Variants in GAS7 observed in about 807,000 individuals in gnomAD.
The protein encoded by GAS7 is growth arrest-specific protein 7.
GAS7 carries 28 observed loss-of-function variants against 71.1 expected under a neutral mutation model. The ratio of observed to expected loss-of-function variants is 0.39; its 90% CI spans 0.29 to 0.54. The LOEUF is 0.54. GAS7 is among the 20% of genes least tolerant of loss of function. The pLI, the probability that GAS7 is intolerant of heterozygous loss-of-function variation, is 0.62. For synonymous variants in GAS7, 258 were observed against 245.8 expected, an observed-to-expected ratio of 1.05 and a Z score of -0.46; for missense variants, 436 against 627.8, an observed-to-expected ratio of 0.69 and a Z score of 3.27.
chr17:9,955,390 C>T (rs1219559454), intron 5 of GAS7, among the ~76,000 whole-genome samples: 3 of 152,254 alleles, frequency 2.0e-5, no homozygotes, highest in Non-Finnish European at 4.4e-5. Context: ...TAAAGATCCA[C>T]TTTCTGTTTG....
chr17:9,997,580 T>G (rs749826386), intron 2 of GAS7, among the ~76,000 whole-genome samples: 10 of 151,956 alleles, frequency 6.6e-5, no homozygotes, highest in Non-Finnish European at 1.0e-4. Flanking sequence ...ACAAGCAGAG[T>G]GTCCTACAAC....
At chr17:9,989,381 G>A (rs2152140447) in intron 2 of GAS7, among the ~76,000 whole-genome samples, 1 of 152,202 alleles carries the variant, frequency 6.6e-6, no homozygotes, top group South Asian at 2.1e-4. Context: ...TTCTGTGTCA[G>A]GCACTGTGCT....
intron 1 of GAS7, among the ~76,000 whole-genome samples, chr17:10,166,357 G>A (rs1380202822): frequency 3.3e-5 from 5 of 152,136 alleles, no homozygotes; most frequent in African/African-American, 1.2e-4. Flanking sequence ...GGGGATGGGG[G>A]CCCCAAGGGA....
chr17:9,948,682 CAA>C (rs774017409), intron 5 of GAS7, among the ~76,000 whole-genome samples: 7 of 135,132 alleles, frequency 5.2e-5, no homozygotes, highest in Non-Finnish European at 4.9e-5. Context: ...GACTCCCCCT[CAA>C]AAAAAAAAAA....
chr17:9,928,543 A>C (rs4791915), intron 9 of GAS7, among the ~76,000 whole-genome samples: 5,730 of 152,044 alleles, frequency 0.038, 287 homozygotes, highest in African/African-American at 0.093. Flanking sequence ...TCAACCTATG[A>C]CCACCCCACC....
intron 1 of GAS7, among the ~76,000 whole-genome samples, chr17:10,106,026 G>A (rs1203842873): frequency 2.0e-5 from 3 of 151,998 alleles, no homozygotes; most frequent in South Asian, 2.1e-4. Flanking sequence ...TCTCCTCCTG[G>A]GCAGTACTAT....
At chr17:9,942,994 G>T in intron 7 of GAS7, 127 bp downstream of exon 7, 1 of 601,378 alleles carries the variant, frequency 1.7e-6, no homozygotes, top group Admixed American at 2.6e-5. Context: ...TGAGTTTGCC[G>T]CCTGGCGCTA....
chr17:9,993,869 A>G lies in GAS7; in HGVS notation c.305-11985T>C, dbSNP rs192866197. The stretch of plus-strand genomic sequence containing the variant: ...AAATCAATGTACAAAAATCACAAGC[A>G]TTCTTATACACCAATAACAGACAAA... On this transcript the variant is annotated intron_variant, in intron 2 of 13. Coordinates refer to ENST00000432992, the MANE Select transcript of GAS7 (RefSeq NM_201433.2). 3.4e-3 allele frequency among the ~76,000 whole-genome samples: 512 copies of G among 152,278 alleles called. 9 individuals carry two copies. Among genetic ancestry groups the G allele is most frequent in the East Asian group, 0.033 (170 of 5,178 alleles).
chr17:9,951,317 G>A (rs984461907), intron 5 of GAS7, among the ~76,000 whole-genome samples: 1 of 152,234 alleles, frequency 6.6e-6, no homozygotes, highest in South Asian at 2.1e-4. Flanking sequence ...ATGATGGAAC[G>A]AGTAGAGTTG....
chr17:9,943,513 T>G (rs2068681747), intron 6 of GAS7, among the ~76,000 whole-genome samples: 2 of 152,198 alleles, frequency 1.3e-5, no homozygotes, highest in Admixed American at 1.3e-4. Context: ...GAAGGGCAAG[T>G]GTCCAAGAGC....
At chr17:9,975,153 G>A (rs910553268) in intron 3 of GAS7, among the ~76,000 whole-genome samples, 6 of 152,286 alleles carry the variant, frequency 3.9e-5, no homozygotes, top group Middle Eastern at 3.4e-3. Context: ...TCAGGAGCTC[G>A]TGACCAGCCT....
intron 1 of GAS7, among the ~76,000 whole-genome samples, chr17:10,055,904 CTCT>C (rs2073129973): frequency 6.6e-6 from 1 of 152,118 alleles, no homozygotes; most frequent in South Asian, 2.1e-4. Flanking sequence ...TTTTTAGAAT[CTCT>C]TTTTTTAACT....
At chr17:10,022,176 G>A (rs1464701905) in intron 1 of GAS7, among the ~76,000 whole-genome samples, 2 of 152,146 alleles carry the variant, frequency 1.3e-5, no homozygotes, top group Non-Finnish European at 2.9e-5. Flanking sequence ...AGGATTGCCT[G>A]AGCCTAGGAG....
At chr17:10,121,610 T>C (rs1044836779) in intron 1 of GAS7, among the ~76,000 whole-genome samples, 1 of 152,206 alleles carries the variant, frequency 6.6e-6, no homozygotes, top group African/African-American at 2.4e-5. Flanking sequence ...TGGAAAATCA[T>C]ATTATGTAAA....
intron 3 of GAS7, among the ~76,000 whole-genome samples, chr17:9,980,050 C>T (rs1453209072): frequency 2.0e-5 from 3 of 151,518 alleles, no homozygotes; most frequent in Non-Finnish European, 4.4e-5. Context: ...CAGGGGGTTC[C>T]TTTCTTATTT....
rs1555528675 is a variant in GAS7 at position 10,046,861 on chromosome 17, A to AAAGG, written c.184-26965_184-26964insCCTT. Among the ~76,000 whole-genome samples the AAAGG allele has an allele frequency of 2.6e-3, 276 of 106,964 alleles. 24 individuals are homozygous for AAAGG. Among genetic ancestry groups the AAAGG allele is most frequent in the African/African-American group, 6.0e-3 (111 of 18,376 alleles). 70.2% of individuals were successfully genotyped at this position (106,964 alleles called of 152,430 possible). A position where few individuals can be genotyped will look rare whatever the true frequency, so the allele number is the denominator to read the frequency against. On this transcript the variant is annotated intron_variant, in intron 1 of 13. Transcript: ENST00000432992. ...GGAAGGAAGGAAAGAAAAGAAAAGA[A>AAAGG]AAAAGAAAAGAAAAGGAAAAGAAAA...
At chr17:9,947,636 C>T (rs547150726) in intron 5 of GAS7, among the ~76,000 whole-genome samples, 4 of 151,916 alleles carry the variant, frequency 2.6e-5, no homozygotes, top group East Asian at 1.9e-4. Flanking sequence ...CCCAGCTAGT[C>T]GGGAGGCTGA....
rs185495777 is a variant in GAS7 at position 9,943,503 on chromosome 17, G to A, written c.616-267C>T. 2.1e-3 allele frequency among the ~76,000 whole-genome samples: 314 copies of A among 152,332 alleles called. 1 individual carries two copies. The highest frequency in any genetic ancestry group is 2.9e-3 in the Non-Finnish European group (199 of 68,028). Reference sequence around the variant, plus strand: ...CTCCCAACCTGGGAACTGAGAGGAAGAAGGGCAAGTGTCCAAGAGCACCGG... The same window carrying A: ...CTCCCAACCTGGGAACTGAGAGGAAAAAGGGCAAGTGTCCAAGAGCACCGG... On this transcript the variant is annotated intron_variant, in intron 6 of 13. Coordinates refer to ENST00000432992, the MANE Select transcript of GAS7 (RefSeq NM_201433.2).
chr17:10,099,366 C>A (rs1414916226), intron 1 of GAS7, among the ~76,000 whole-genome samples: 1 of 152,188 alleles, frequency 6.6e-6, no homozygotes, highest in Admixed American at 6.5e-5. Flanking sequence ...GCAGATCTGC[C>A]TGCAGCAGGG....
Sources: allele counts gnomAD v4.1 joint callset (sites outside exome capture counted in the v4.1 genomes callset), GRCh38; gene constraint gnomAD v4.1.1; transcripts MANE v1.5; gene names NCBI Gene and HGNC (gene_info 2026-07-23, HGNC 2026-07-21).